The following WWC1 variants were observed in gnomAD, a reference collection of about 807,000 sequenced individuals.
WWC1 encodes the protein WW and C2 domain containing 1.
In WWC1, 55 loss-of-function variants were observed where a neutral mutation model predicts 138.4. That is an observed-to-expected ratio of 0.40 (90% confidence interval 0.32 to 0.50). The LOEUF is 0.50. WWC1 is among the 20% of genes least tolerant of loss of function. The probability of loss-of-function intolerance (pLI) is 0.72; values close to 1 mark genes in which losing one functional copy is unlikely to be tolerated. For missense variants in WWC1, 1,226 were observed against 1,420.4 expected (o/e 0.86, Z 2.20); for synonymous variants, 524 against 564.9 (o/e 0.93, Z 1.03).
intron 1 of WWC1, among the ~76,000 whole-genome samples, chr5:168,363,092 A>G (rs1776002369): frequency 6.6e-6 from 1 of 152,232 alleles, no homozygotes; most frequent in African/African-American, 2.4e-5. Flanking sequence ...AGGGTAGAGA[A>G]CAAGAGGAAG....
intron 1 of WWC1, among the ~76,000 whole-genome samples, chr5:168,359,517 G>A (rs1775723124): frequency 6.6e-6 from 1 of 152,146 alleles, no homozygotes; most frequent in Non-Finnish European, 1.5e-5. Flanking sequence ...ATTGTTTCTA[G>A]CTTGGGGTTT....
intron 1 of WWC1, among the ~76,000 whole-genome samples, chr5:168,363,605 G>T (rs1776060084): frequency 6.6e-6 from 1 of 151,140 alleles, no homozygotes; most frequent in Non-Finnish European, 1.5e-5. Flanking sequence ...ACAGTGCAAG[G>T]TTTATTAGCT....
chr5:168,381,214 C>G (rs182093793), intron 2 of WWC1, among the ~76,000 whole-genome samples: 1 of 152,144 alleles, frequency 6.6e-6, no homozygotes, highest in African/African-American at 2.4e-5. Flanking sequence ...CGCCAAGCCA[C>G]CTGGCTTGGC....
In WWC1 at chr5:168,430,242, A is replaced by C. The variant is rs748087370; in HGVS notation, c.2087+19A>C. On this transcript the variant is annotated intron_variant, in intron 14 of 22. Transcript: ENST00000265293. The stretch of plus-strand genomic sequence containing the variant: ...AGAAAGTGTGAGTATGTAGCTGGAC[A>C]GGTGTATTTCATACCCTAACCCTCT... 1.2e-6 allele frequency: 2 copies of C among 1,607,042 alleles called. No homozygotes were observed. Among genetic ancestry groups the C allele is most frequent in the Non-Finnish European group, 1.7e-6 (2 of 1,175,268 alleles).
chr5:168,452,175 G>A (rs567544880), intron 17 of WWC1, among the ~76,000 whole-genome samples: 1 of 152,138 alleles, frequency 6.6e-6, no homozygotes, highest in African/African-American at 2.4e-5. Context: ...CAAAGTGCTG[G>A]GATTACAGGC....
rs533337833 is a variant in WWC1 at position 168,374,724 on chromosome 5, C to G, written c.229+3191C>G. 4.9e-4 allele frequency among the ~76,000 whole-genome samples: 74 copies of G among 152,296 alleles called. 1 individual carries two copies. The highest frequency in any genetic ancestry group is 2.3e-3 in the South Asian group (11 of 4,832). On this transcript the variant is annotated intron_variant, in intron 2 of 22. Coordinates refer to ENST00000265293, the MANE Select transcript of WWC1 (RefSeq NM_015238.3). Reference sequence around the variant, plus strand: ...TGACTTATGTCTTAAAAGGACCAGTCTGACTGCCATGCTGAGAATACACCT... The same window carrying G: ...TGACTTATGTCTTAAAAGGACCAGTGTGACTGCCATGCTGAGAATACACCT...
chr5:168,355,601 C>T (rs1454129840), intron 1 of WWC1, among the ~76,000 whole-genome samples: 1 of 151,578 alleles, frequency 6.6e-6, no homozygotes, highest in Non-Finnish European at 1.5e-5. Context: ...GGCAGCGAGA[C>T]CTGCGGGAGC....
At chr5:168,467,111 A>G (rs1197753159) in intron 21 of WWC1, among the ~76,000 whole-genome samples, 3 of 152,152 alleles carry the variant, frequency 2.0e-5, no homozygotes, top group African/African-American at 7.2e-5. Context: ...ACAAAAAATT[A>G]GCCGGGCATG....
chr5:168,405,730 C>CTTTT (rs540999364), intron 5 of WWC1, among the ~76,000 whole-genome samples: 2 of 132,090 alleles, frequency 1.5e-5, no homozygotes, highest in Non-Finnish European at 3.3e-5. Context: ...TTCTTTCTTT[C>CTTTT]TTTTTTTTTT....
At chr5:168,347,607 A>G (rs1253480821) in intron 1 of WWC1, among the ~76,000 whole-genome samples, 2 of 152,204 alleles carry the variant, frequency 1.3e-5, no homozygotes, top group Non-Finnish European at 2.9e-5. Flanking sequence ...TCAACTGGGC[A>G]CAGCGCTTGG....
intron 1 of WWC1, among the ~76,000 whole-genome samples, chr5:168,365,930 A>G (rs1283958933): frequency 6.6e-6 from 1 of 152,196 alleles, no homozygotes; most frequent in African/African-American, 2.4e-5. Context: ...TGGAGGCTGG[A>G]AGCAGGGACC....
chr5:168,460,758 CA>C lies in WWC1; in HGVS notation c.2916+19del. 6.2e-7 allele frequency: 1 copy of C among 1,613,846 alleles called. No homozygotes were observed. Among genetic ancestry groups the C allele is most frequent in the Non-Finnish European group, 8.5e-7 (1 of 1,179,784 alleles). On this transcript the variant is annotated intron_variant, in intron 20 of 22. Coordinates refer to ENST00000265293, the MANE Select transcript of WWC1 (RefSeq NM_015238.3). ...GATGAAGCGGGTAAGAGAGTCACCT[CA>C]AAGCTATTTTTCTGCCTGCTCCTCC...
chr5:168,440,935 G>A (rs1561769994), intron 15 of WWC1, among the ~76,000 whole-genome samples: 1 of 152,164 alleles, frequency 6.6e-6, no homozygotes, highest in Non-Finnish European at 1.5e-5. Flanking sequence ...TAAGCAAAAT[G>A]TAGCATACCC....
chr5:168,301,758 A>G (rs1770104142), intron 1 of WWC1, among the ~76,000 whole-genome samples: 1 of 152,192 alleles, frequency 6.6e-6, no homozygotes, highest in Non-Finnish European at 1.5e-5. Flanking sequence ...TCCAACATAG[A>G]AAGTCTTAGC....
In WWC1 at chr5:168,464,711, CCG is replaced by C; in HGVS notation, c.2917-17_2917-16del. Reference sequence around the variant, plus strand: ...GGCAGAGCTCTAATAACAAGAGAAGCCGTCCCCACCCCCACAGCCTTCCTCGG... The same window carrying C: ...GGCAGAGCTCTAATAACAAGAGAAGCTCCCCACCCCCACAGCCTTCCTCGG... On this transcript the variant is annotated splice_polypyrimidine_tract_variant and intron_variant, in intron 20 of 22. Coordinates refer to ENST00000265293, the MANE Select transcript of WWC1 (RefSeq NM_015238.3). 1 of 1,613,858 alleles carries C rather than the reference CCG, an allele frequency of 6.2e-7. No homozygotes were observed. Among genetic ancestry groups the C allele is most frequent in the South Asian group, 1.1e-5 (1 of 91,062 alleles).
Position 168,431,366 on chromosome 5 carries a change from G to T in WWC1, c.2202G>T (p.Met734Ile), listed in dbSNP as rs3822660. 126,315 of 1,613,366 alleles carry T rather than the reference G, an allele frequency of 0.078. 6,997 individuals carry two copies. Among genetic ancestry groups the T allele is most frequent in the African/African-American group, 0.27 (19,824 of 74,806 alleles). ...LVFNEVFWVSMSYPALHQKTL... is the reference protein window; with the variant it reads ...LVFNEVFWVSISYPALHQKTL... ...TCAATGAGGTGTTCTGGGTATCCAT[G>T]TCCTATCCAGCCCTTCACCAGAAGA... The change falls in exon 15 of 23, where the codon ATG becomes ATT. Residue 734 changes from methionine (M) to isoleucine (I), a missense_variant. Physicochemically the swap from Met to Ile is conservative, Grantham distance 10 (BLOSUM62 1). Around this residue, in one of 3 missense-constraint regions of WWC1, gnomAD observed 1,016 missense variants for 1,153.9 expected, o/e 0.88. Transcript: ENST00000265293.
In WWC1 at chr5:168,468,948, T is replaced by C. The variant is rs17731898; in HGVS notation, c.3276-3T>C. On this transcript the variant is annotated splice_polypyrimidine_tract_variant and splice_region_variant and intron_variant, in intron 22 of 22. Coordinates refer to ENST00000265293, the MANE Select transcript of WWC1 (RefSeq NM_015238.3). Reference sequence around the variant, plus strand: ...TGCTCTAAAGGGATGGCCTCTCTTATAGGGAGAAGATGGCATTTTTCACCC... The same window carrying C: ...TGCTCTAAAGGGATGGCCTCTCTTACAGGGAGAAGATGGCATTTTTCACCC... The C allele has an allele frequency of 0.17, 267,147 of 1,613,834 alleles. 25,007 individuals are homozygous for C. Among genetic ancestry groups the C allele is most frequent in the East Asian group, 0.46 (20,639 of 44,874 alleles).
intron 19 of WWC1, among the ~76,000 whole-genome samples, chr5:168,457,028 C>A (rs1471665335): frequency 6.6e-6 from 1 of 152,006 alleles, no homozygotes; most frequent in Admixed American, 6.6e-5. Context: ...ACACACCAAG[C>A]ACTATGCTTC....
In WWC1 at chr5:168,459,000, T is replaced by C. The variant is rs889112446; in HGVS notation, c.2824-1650T>C. ...TGGGCACAGTGGCTCACATCTGTAATCCCAGGACATTGAGAGGCTGAGATG... is the reference window on the plus strand; with the variant it reads ...TGGGCACAGTGGCTCACATCTGTAACCCCAGGACATTGAGAGGCTGAGATG... On this transcript the variant is annotated intron_variant, in intron 19 of 22. Transcript: ENST00000265293. Among the ~76,000 whole-genome samples, 8 of 152,218 alleles carry C rather than the reference T, an allele frequency of 5.3e-5. No individual in the cohort carries two copies. In the East Asian group the frequency reaches 1.5e-3, roughly 29 times the overall value.
Sources: gnomAD v4.1 joint callset for allele counts (sites outside exome capture counted in the v4.1 genomes callset) on GRCh38, gnomAD v4.1.1 for gene constraint, gnomAD v4.1.1 regional missense constraint, MANE v1.5 for transcripts, NCBI Gene and HGNC (gene_info 2026-07-23, HGNC 2026-07-21) for gene names.